The following ZNF225 variants were observed in gnomAD, a reference collection of about 807,000 sequenced individuals.
ZNF225 encodes zinc finger protein 225.
A neutral mutation model predicts 12.0 loss-of-function variants in ZNF225; 6 were observed. The observed-to-expected ratio is 0.50, with a 90% CI of 0.27 to 0.98. The LOEUF is 0.98. Among genes scored for constraint, ZNF225 ranks in the 50% least tolerant of loss-of-function variants. The pLI, the probability that ZNF225 is intolerant of heterozygous loss-of-function variation, is 0.11. For missense variants in ZNF225, 763 were observed against 848.2 expected (o/e 0.90, Z 1.25); for synonymous variants, 271 against 283.2 (o/e 0.96, Z 0.43).
chr19:44,111,450 CAAAA>C (rs1290702817), upstream of ZNF225, among the ~76,000 whole-genome samples: 38 of 152,108 alleles, frequency 2.5e-4, no homozygotes, highest in Non-Finnish European at 4.0e-4. Context: ...AAAAAACAAA[CAAAA>C]AACAACCAAA....
chr19:44,125,291 G>A (rs1433045253), intron 4 of ZNF225, among the ~76,000 whole-genome samples: 2 of 152,162 alleles, frequency 1.3e-5, no homozygotes, highest in Non-Finnish European at 2.9e-5. Flanking sequence ...ATTCATATAT[G>A]ATGCTTAGTT....
chr19:44,112,879 C>T (rs1967858359), upstream of ZNF225: 1 of 152,230 alleles, frequency 6.6e-6, no homozygotes, highest in South Asian at 2.1e-4. Flanking sequence ...TGTTCCCTTT[C>T]CAATAACACT....
In ZNF225 at chr19:44,132,554, G is replaced by A. The variant is rs1968303686; in HGVS notation, c.1940G>A (p.Ser647Asn). 3.1e-6 allele frequency: 5 copies of A among 1,614,116 alleles called. No homozygotes were observed. Among genetic ancestry groups the A allele is most frequent in the Non-Finnish European group, 4.2e-6 (5 of 1,179,984 alleles). The change falls in exon 5 of 5, where the codon AGT becomes AAT. Residue 647 changes from serine (S) to asparagine (N), a missense_variant. Ser to Asn is a conservative substitution (Grantham distance 46). Coordinates refer to ENST00000262894, the MANE Select transcript of ZNF225 (RefSeq NM_013362.4). ...CATCTAACCCATCAGAGACTCCACA[G>A]TAGAGAAAAACTACTTCAATGTGAG... ...STHLTHQRLH[S>N]REKLLQCEDC...
intron 2 of ZNF225, 75 bp from the exon 3 acceptor site, chr19:44,118,113 C>CT: frequency 6.6e-7 from 1 of 1,512,772 alleles, no homozygotes; most frequent in Non-Finnish European, 8.8e-7. Flanking sequence ...TTCCTCCCCT[C>CT]TGTCTGCTCA....
At chr19:44,126,276 C>T (rs565841581) in intron 4 of ZNF225, among the ~76,000 whole-genome samples, 4 of 152,152 alleles carry the variant, frequency 2.6e-5, no homozygotes, top group Admixed American at 6.5e-5. Context: ...GATGTGGCCT[C>T]CTGTGAGCCA....
rs1021994096 is a variant in ZNF225 at position 44,129,113 on chromosome 19, G to T, written c.236-1737G>T. 4 of 1,230,848 alleles carry T rather than the reference G, an allele frequency of 3.2e-6. No individual in the cohort carries two copies. The African/African-American group carries it at 6.2e-5, about 19-fold the overall frequency. 76.2% of individuals were successfully genotyped at this position (1,230,848 alleles called of 1,614,324 possible). A position where few individuals can be genotyped will look rare whatever the true frequency, so the allele number is the denominator to read the frequency against. On this transcript the variant is annotated intron_variant, in intron 4 of 4. Coordinates refer to ENST00000262894, the MANE Select transcript of ZNF225 (RefSeq NM_013362.4). ...TTCTATTTCAGGTAACCAAGTTATT[G>T]TTCATATCAGTACAGACAAATGAGA... is the stretch of plus-strand genomic sequence containing the variant.
chr19:44,123,879 G>T (rs532001807), intron 4 of ZNF225, among the ~76,000 whole-genome samples: 1 of 151,852 alleles, frequency 6.6e-6, no homozygotes, highest in Non-Finnish European at 1.5e-5. Context: ...GGATTTTCTC[G>T]CTTATTTTCT....
intron 4 of ZNF225, among the ~76,000 whole-genome samples, chr19:44,125,373 C>T (rs1274522108): frequency 6.6e-6 from 1 of 152,182 alleles, no homozygotes; most frequent in Non-Finnish European, 1.5e-5. Context: ...CCAATCTCTT[C>T]TAGCTTGTAG....
intron 1 of ZNF225, among the ~76,000 whole-genome samples, chr19:44,115,183 G>T (rs1967918716): frequency 6.6e-6 from 1 of 152,092 alleles, no homozygotes; most frequent in Non-Finnish European, 1.5e-5. Flanking sequence ...AATTACCAAT[G>T]CTTTGTCCAA....
In ZNF225 at chr19:44,132,468, CACTGGGGA is replaced by C; in HGVS notation, c.1856_1863del (p.Thr619LysfsTer6). The C allele has an allele frequency of 6.2e-7, 1 of 1,614,148 alleles. No homozygotes were observed. The highest frequency in any genetic ancestry group is 8.5e-7 in the Non-Finnish European group (1 of 1,180,026). ...AGCTTCATTCCCATCAGAGGGTTCACACTGGGGAAAAGCCATACAAATGTGAGAAGTGT... is the reference window on the plus strand; with the variant it reads ...AGCTTCATTCCCATCAGAGGGTTCACAAAGCCATACAAATGTGAGAAGTGT... On this transcript the variant is annotated frameshift_variant, in exon 5 of 5. Transcript: ENST00000262894. LOFTEE classifies it low-confidence loss of function (END_TRUNC).
At chr19:44,113,268 C>T (rs564577355), upstream of ZNF225, 17 of 152,462 alleles carry the variant, frequency 1.1e-4, no homozygotes, top group African/African-American at 3.4e-4. Flanking sequence ...AGTCCAGACG[C>T]TCAGTGGAGT....
intron 4 of ZNF225, chr19:44,128,385 G>A (rs948730500): frequency 6.6e-6 from 1 of 152,134 alleles, no homozygotes; most frequent in Non-Finnish European, 1.5e-5. Context: ...TATCCTGGAA[G>A]GAATCAGGAA....
Position 44,131,853 on chromosome 19 carries a change from A to G in ZNF225, c.1239A>G (p.Ser413=), listed in dbSNP as rs1357803331. Residue 413 remains serine, a synonymous_variant, in exon 5 of 5, where the codon TCA becomes TCG. Transcript: ENST00000262894. ...EECGKGFYTN[S]QRYSHQRAHS... ...GTGGGAAGGGATTTTATACAAATTC[A>G]CAACGTTATTCTCACCAGAGAGCGC... 1.2e-6 allele frequency: 2 copies of G among 1,614,198 alleles called. No homozygotes were observed. Among genetic ancestry groups the G allele is most frequent in the Admixed American group, 1.7e-5 (1 of 60,030 alleles).
intron 1 of ZNF225, chr19:44,113,954 G>T (rs1367276962): frequency 1.1e-5 from 3 of 270,778 alleles, no homozygotes; most frequent in Middle Eastern, 1.0e-3. Flanking sequence ...AGGTCCCCGG[G>T]TGGGGTGAAA....
chr19:44,119,415 GTGTT>G (rs1968010880), intron 4 of ZNF225, among the ~76,000 whole-genome samples: 1 of 152,196 alleles, frequency 6.6e-6, no homozygotes. Context: ...CTGTCTGTAG[GTGTT>G]TGTTTCTTTC....
intron 1 of ZNF225, chr19:44,114,120 GT>G: frequency 1.5e-6 from 1 of 660,518 alleles, no homozygotes; most frequent in Non-Finnish European, 2.5e-6. Context: ...GGCGACCACG[GT>G]CAGAGTGTTT....
chr19:44,118,264 A>C lies in ZNF225; in HGVS notation c.92A>C (p.Lys31Thr). The C allele has an allele frequency of 6.2e-7, 1 of 1,613,344 alleles. No individual in the cohort carries two copies. Among genetic ancestry groups the C allele is most frequent in the Non-Finnish European group, 8.5e-7 (1 of 1,179,696 alleles). ...AGGCTGCTGGACCTTGCCCAGAGGA[A>C]ACTGTACCGAGAAGTGATGCTGGAG... ...ELRLLDLAQR[K>T]LYREVMLENF... The change falls in exon 3 of 5, where the codon AAA becomes ACA. Residue 31 changes from lysine (K) to threonine (T), a missense_variant. Transcript: ENST00000262894.
rs1028280027 is a variant in ZNF225, at chr19:44,132,855, G to A, written c.*120G>A. The A allele has an allele frequency of 6.1e-5, 58 of 951,486 alleles. No individual in the cohort carries two copies. Among genetic ancestry groups the A allele is most frequent in the Admixed American group, 1.2e-4 (4 of 32,206 alleles). The allele number at this position is 951,486 out of a possible 1,614,324, so 58.9% of individuals were successfully genotyped here. ...AAACATTTATCATTTATTTATGTTG[G>A]GAACCCTTAAAATTCACTGTCCTAG... On this transcript the variant is annotated 3_prime_UTR_variant, in exon 5 of 5. Coordinates refer to ENST00000262894, the MANE Select transcript of ZNF225 (RefSeq NM_013362.4).
chr19:44,126,793 G>C (rs1016208413), intron 4 of ZNF225, among the ~76,000 whole-genome samples: 6 of 152,238 alleles, frequency 3.9e-5, no homozygotes, highest in Non-Finnish European at 8.8e-5. Context: ...TGCCTCTGCT[G>C]AGTCATGCAA....
Sources: gnomAD v4.1 joint callset for allele counts (sites outside exome capture counted in the v4.1 genomes callset) on GRCh38, gnomAD v4.1.1 for gene constraint, MANE v1.5 for transcripts, NCBI Gene and HGNC (gene_info 2026-07-23, HGNC 2026-07-21) for gene names.